PDCD11: variants seen among roughly 807,000 people sequenced by gnomAD.
PDCD11 encodes protein RRP5 homolog.
Under a neutral mutation model 198.9 loss-of-function variants are expected in PDCD11, and 97 were observed. The observed-to-expected ratio is 0.49, with a 90% CI of 0.41 to 0.58. The LOEUF (loss-of-function observed/expected upper bound fraction) is 0.58. Ranked by LOEUF, PDCD11 falls within the 20% of genes least tolerant of loss-of-function variation. PDCD11 has a pLI of 0.00. For missense variants in PDCD11, 2,102 were observed against 2,312.7 expected (o/e 0.91, Z 1.87); for synonymous variants, 893 against 918.0 (o/e 0.97, Z 0.49).
At chr10:103,439,974 G>A (rs979638057) in intron 28 of PDCD11, 106 bp downstream of exon 28, 12 of 1,364,392 alleles carry the variant, frequency 8.8e-6, no homozygotes, top group South Asian at 3.7e-5. Context: ...AATGGCTTGC[G>A]TAGTGGTGTT....
intron 16 of PDCD11, among the ~76,000 whole-genome samples, chr10:103,420,524 C>T (rs956534959): frequency 2.6e-5 from 4 of 152,074 alleles, no homozygotes; most frequent in East Asian, 1.9e-4. Context: ...GCACGTCAGC[C>T]GAGGCCTATT....
At chr10:103,432,349 C>A in intron 22 of PDCD11, 115 bp downstream of exon 22, 2 of 745,824 alleles carry the variant, frequency 2.7e-6, no homozygotes, top group Non-Finnish European at 4.6e-6. Flanking sequence ...TGCTACCATG[C>A]TGGGTTTGTG....
At chr10:103,402,235 T>G (rs1296572197) in intron 3 of PDCD11, among the ~76,000 whole-genome samples, 1 of 152,124 alleles carries the variant, frequency 6.6e-6, no homozygotes, top group Non-Finnish European at 1.5e-5. Flanking sequence ...TTCATTGTGT[T>G]GTCTGCCAGG....
chr10:103,444,153 T>G, intron 34 of PDCD11, 85 bp downstream of exon 34: 3 of 1,217,344 alleles, frequency 2.5e-6, no homozygotes, highest in Non-Finnish European at 2.3e-6. Context: ...TTCTTCTAAG[T>G]CAGGAGAGCC....
chr10:103,413,079 G>A (rs756725691), intron 8 of PDCD11, 37 bp from the exon 9 acceptor site: 3 of 1,563,830 alleles, frequency 1.9e-6, no homozygotes, highest in Non-Finnish European at 2.6e-6. Flanking sequence ...GCTCCTGTGT[G>A]CCTCCTCCTG....
At position 103,398,473 on chromosome 10, in the gene PDCD11, TC is replaced by T; in HGVS notation, c.49del (p.His17ThrfsTer41). ...ESFPRGGTRK[I>X]HKPEKAFQQS... The stretch of plus-strand genomic sequence containing the variant: ...TTCCCCCGAGGAGGTACAAGAAAGA[TC>T]CACAAACCAGAGAAAGCTTTCCAGC... On this transcript the variant is annotated frameshift_variant, in exon 2 of 36. Transcript: ENST00000369797. LOFTEE classifies it high-confidence loss of function. 1 of 1,614,162 alleles carries T rather than the reference TC, an allele frequency of 6.2e-7. No individual in the cohort carries two copies. The highest frequency in any genetic ancestry group is 1.1e-5 in the South Asian group (1 of 91,086).
chr10:103,408,831 C>G (rs950612823), intron 7 of PDCD11, among the ~76,000 whole-genome samples: 1 of 152,286 alleles, frequency 6.6e-6, no homozygotes, highest in African/African-American at 2.4e-5. Flanking sequence ...TGAGCCACTG[C>G]GCCCACCTTC....
At chr10:103,424,108 T>C (rs558528270) in intron 19 of PDCD11, among the ~76,000 whole-genome samples, 1 of 152,304 alleles carries the variant, frequency 6.6e-6, no homozygotes, top group Admixed American at 6.5e-5. Context: ...GCTGAAAATG[T>C]TGGAAACTTA....
chr10:103,420,525 G>A (rs1005666626), intron 16 of PDCD11, among the ~76,000 whole-genome samples: 4 of 152,086 alleles, frequency 2.6e-5, no homozygotes, highest in African/African-American at 7.2e-5. Context: ...CACGTCAGCC[G>A]AGGCCTATTG....
At chr10:103,442,181 A>G (rs1055005217) in intron 31 of PDCD11, 32 bp from the exon 32 acceptor site, 2 of 1,610,728 alleles carry the variant, frequency 1.2e-6, no homozygotes, top group Middle Eastern at 1.7e-4. Context: ...TGAGGAGCAG[A>G]TGACTCACGG....
rs750885981 is a variant in PDCD11 at position 103,415,165 on chromosome 10, A to AG, written c.1518+17dup. ...GTCAAGTGCCGGGTGAGCCTCCTGA[A>AG]GGGTCTCTTGGGGTTTTGGCTAGAT... On this transcript the variant is annotated intron_variant, in intron 12 of 35. Transcript: ENST00000369797. 2.3e-5 allele frequency: 37 copies of AG among 1,613,140 alleles called. 1 individual carries two copies. The South Asian group carries it at 3.7e-4, about 16-fold the overall frequency.
intron 3 of PDCD11, among the ~76,000 whole-genome samples, chr10:103,402,436 A>T (rs2030157061): frequency 6.6e-6 from 1 of 151,800 alleles, no homozygotes; most frequent in African/African-American, 2.4e-5. Context: ...TTTTTTATTT[A>T]TTTTTATTTT....
chr10:103,444,652 C>G lies in PDCD11; in HGVS notation c.5414C>G (p.Thr1805Ser). ...TDVWSVYIDM[T>S]IKHGSQKDVR... Reference sequence around the variant, plus strand: ...GTCTGGTCGGTCTATATCGACATGACCATCAAGCACGGCAGCCAGAAGGAC... The same window carrying G: ...GTCTGGTCGGTCTATATCGACATGAGCATCAAGCACGGCAGCCAGAAGGAC... The change falls in exon 35 of 36, where the codon ACC becomes AGC. Residue 1805 changes from threonine to serine, a missense_variant. Physicochemically the swap from Thr to Ser is moderately conservative, Grantham distance 58. Coordinates refer to ENST00000369797, the MANE Select transcript of PDCD11 (RefSeq NM_014976.2). 1.2e-6 allele frequency: 2 copies of G among 1,614,070 alleles called. No homozygotes were observed. The highest frequency in any genetic ancestry group is 1.7e-6 in the Non-Finnish European group (2 of 1,180,030).
rs540281074 is a variant in PDCD11, at chr10:103,440,861, C to T, written c.4557+11C>T. 29 of 1,581,050 alleles carry T rather than the reference C, an allele frequency of 1.8e-5. No individual in the cohort carries two copies. The highest frequency in any genetic ancestry group is 1.7e-4 in the Middle Eastern group (1 of 5,932). On this transcript the variant is annotated intron_variant, in intron 30 of 35. Coordinates refer to ENST00000369797, the MANE Select transcript of PDCD11 (RefSeq NM_014976.2). ...AATGTGCTGCCCAAGGTGAGGGTGA[C>T]GTCGCGGGGAGGGGAAGGCTGCTCC... is the stretch of plus-strand genomic sequence containing the variant.
At chr10:103,410,388 A>G (rs1401283659) in intron 8 of PDCD11, among the ~76,000 whole-genome samples, 2 of 152,120 alleles carry the variant, frequency 1.3e-5, no homozygotes, top group Non-Finnish European at 2.9e-5. Flanking sequence ...TGGTGGTAGT[A>G]GTATTTTTGT....
intron 2 of PDCD11, among the ~76,000 whole-genome samples, 167 bp from the exon 3 acceptor site, chr10:103,400,226 CTTTT>C (rs113535367): frequency 2.2e-5 from 3 of 135,388 alleles, no homozygotes; most frequent in African/African-American, 2.7e-5. Flanking sequence ...GGCCCCCCCC[CTTTT>C]TTTTTTTTTT....
At position 103,441,952 on chromosome 10, in the gene PDCD11, G is replaced by T. The variant is rs2032402620; in HGVS notation, c.4684G>T (p.Asp1562Tyr). The T allele has an allele frequency of 6.8e-6, 11 of 1,614,256 alleles. No individual in the cohort carries two copies. Among genetic ancestry groups the T allele is most frequent in the Non-Finnish European group, 9.3e-6 (11 of 1,180,052 alleles). The change falls in exon 31 of 36, where the codon GAT becomes TAT. Residue 1562 changes from aspartate to tyrosine, a missense_variant. Physicochemically the swap from Asp to Tyr is radical, Grantham distance 160 (BLOSUM62 -3). Transcript: ENST00000369797. ...PLAESSDSEE[D>Y]EKPHQATIKK... ...AGCAGAGAGCTCAGACAGCGAGGAG[G>T]ATGAGAAGCCACACCAAGCCACGGT...
At chr10:103,421,206 T>C (rs1051595782) in intron 16 of PDCD11, 142 bp from the exon 17 acceptor site, 15 of 639,074 alleles carry the variant, frequency 2.3e-5, no homozygotes, top group Non-Finnish European at 3.9e-5. Flanking sequence ...GGAAGGGAAG[T>C]AGAGCTGTGT....
In PDCD11 at chr10:103,441,869, C is replaced by T; in HGVS notation, c.4601C>T (p.Ser1534Phe). 6.2e-7 allele frequency: 1 copy of T among 1,614,216 alleles called. No individual in the cohort carries two copies. Among genetic ancestry groups the T allele is most frequent in the Non-Finnish European group, 8.5e-7 (1 of 1,180,026 alleles). ...GCAGAAGCGCCCCGGCTGCAGCTGT[C>T]TTCAGGCTTCGCTTGGAATGTGGGA... ...KPAEAPRLQLSSGFAWNVGLD... is the reference protein window; with the variant it reads ...KPAEAPRLQLFSGFAWNVGLD... The change falls in exon 31 of 36, where the codon TCT (serine) becomes TTT (phenylalanine). Residue 1534 changes from serine (S) to phenylalanine (F), a missense_variant. Physicochemically the swap from Ser to Phe is radical, Grantham distance 155. Coordinates refer to ENST00000369797, the MANE Select transcript of PDCD11 (RefSeq NM_014976.2).
Sources: allele counts gnomAD v4.1 joint callset (sites outside exome capture counted in the v4.1 genomes callset), GRCh38; gene constraint gnomAD v4.1.1; transcripts MANE v1.5; gene names NCBI Gene and HGNC (gene_info 2026-07-23, HGNC 2026-07-21).